PLCB1: variants seen among roughly 807,000 people sequenced by gnomAD.
The protein encoded by PLCB1 is phospholipase C beta 1, also known as 1-phosphatidylinositol 4,5-bisphosphate phosphodiesterase beta-1.
A neutral mutation model predicts 161.8 loss-of-function variants in PLCB1; 46 were observed. The observed-to-expected ratio is 0.28, with a 90% confidence interval of 0.22 to 0.36. The LOEUF is 0.36. Among genes scored for constraint, PLCB1 ranks in the 10% least tolerant of loss-of-function variants. The pLI is 1.00. For missense variants in PLCB1, 1,016 were observed against 1,472.5 expected (o/e 0.69, Z 5.07); for synonymous variants, 517 against 503.7 (o/e 1.03, Z -0.35).
intron 9 of PLCB1, 118 bp downstream of exon 9, chr20:8,658,822 C>A: frequency 2.4e-6 from 2 of 827,226 alleles, no homozygotes; most frequent in Non-Finnish European, 3.7e-6. Flanking sequence ...ACAAGGCATT[C>A]CTTTCGGTCT....
intron 14 of PLCB1, among the ~76,000 whole-genome samples, chr20:8,720,931 G>T (rs966577333): frequency 2.0e-5 from 3 of 151,140 alleles, no homozygotes; most frequent in Non-Finnish European, 4.4e-5. Flanking sequence ...TACCCTAAAA[G>T]AATGTGTCTC....
chr20:8,490,937 T>A (rs543621489), intron 3 of PLCB1, among the ~76,000 whole-genome samples: 35 of 151,530 alleles, frequency 2.3e-4, no homozygotes, highest in Non-Finnish European at 4.6e-4. Context: ...TATATGTGTG[T>A]GTGTTTTTCT....
chr20:8,871,146 A>G (rs1392363116), intron 31 of PLCB1, among the ~76,000 whole-genome samples: 7 of 152,228 alleles, frequency 4.6e-5, no homozygotes, highest in Non-Finnish European at 1.0e-4. Context: ...TGAGAATTGT[A>G]ATCCCTCTAT....
At chr20:8,713,858 C>A (rs1426522753) in intron 12 of PLCB1, among the ~76,000 whole-genome samples, 1 of 152,090 alleles carries the variant, frequency 6.6e-6, no homozygotes, top group African/African-American at 2.4e-5. Context: ...AATCATGGCT[C>A]CAGTAAAATC....
At chr20:8,734,135 C>CAAAAAAAAAAAAAAA (rs10624037) in intron 19 of PLCB1, among the ~76,000 whole-genome samples, 12 of 57,926 alleles carry the variant, frequency 2.1e-4, no homozygotes, top group Admixed American at 1.3e-3. Context: ...GACTCTGTCT[C>CAAAAAAAAAAAAAAA]AAAAAAAAAA....
intron 3 of PLCB1, among the ~76,000 whole-genome samples, chr20:8,493,732 GGTA>G (rs1983041470): frequency 9.6e-6 from 1 of 104,188 alleles, no homozygotes; most frequent in Non-Finnish European, 2.1e-5. Context: ...CTGAACCTCA[GGTA>G]GTAGCCCTTA....
At position 8,320,820 on chromosome 20, in the gene PLCB1, AGGG is replaced by A. The variant is rs1333941301; in HGVS notation, c.178-50561_178-50559del. On this transcript the variant is annotated intron_variant, in intron 2 of 31. Transcript: ENST00000338037. ...AAAGAAGAAAGAAAGAAAGAAAGGG[AGGG>A]AGGGAGAGAGGGAGGGAGGGAGGGA... 2.1e-4 allele frequency among the ~76,000 whole-genome samples: 27 copies of A among 127,450 alleles called. 1 individual carries two copies. The highest frequency in any genetic ancestry group is 3.2e-5 in the Non-Finnish European group (2 of 61,632). 83.6% of individuals were successfully genotyped at this position (127,450 alleles called of 152,430 possible).
intron 2 of PLCB1, among the ~76,000 whole-genome samples, chr20:8,253,975 T>C (rs1289052565): frequency 6.6e-6 from 1 of 152,030 alleles, no homozygotes; most frequent in Non-Finnish European, 1.5e-5. Context: ...GGCTGTGTAG[T>C]ATCCCACGGT....
In PLCB1 at chr20:8,606,531, C is replaced by T. The variant is rs112630177; in HGVS notation, c.247-21763C>T. Among the ~76,000 whole-genome samples, 80 of 152,172 alleles carry T rather than the reference C, an allele frequency of 5.3e-4. 1 individual carries two copies. The highest frequency in any genetic ancestry group is 1.6e-3 in the African/African-American group (68 of 41,522). On this transcript the variant is annotated intron_variant, in intron 3 of 31. Transcript: ENST00000338037. ...GTATGATTACAATTATTATTAGTGC[C>T]CTAATGCTACCACTAGTATGATTAC...
chr20:8,642,378 A>G (rs1246115645), intron 4 of PLCB1, among the ~76,000 whole-genome samples: 1 of 152,202 alleles, frequency 6.6e-6, no homozygotes, highest in African/African-American at 2.4e-5. Flanking sequence ...AAGATTCTTC[A>G]CTGCGTCATT....
At chr20:8,733,032 C>T (rs1980356183) in intron 18 of PLCB1, among the ~76,000 whole-genome samples, 1 of 151,936 alleles carries the variant, frequency 6.6e-6, no homozygotes, top group African/African-American at 2.4e-5. Flanking sequence ...GCAGACTGCA[C>T]ACCCACCAGT....
chr20:8,859,167 C>A (rs960196728), intron 31 of PLCB1, among the ~76,000 whole-genome samples: 6 of 152,100 alleles, frequency 3.9e-5, no homozygotes, highest in African/African-American at 1.4e-4. Flanking sequence ...ACTTCTAAGG[C>A]CAGCACTTAG....
At chr20:8,744,136 C>T (rs1324365174) in intron 23 of PLCB1, among the ~76,000 whole-genome samples, 1 of 151,750 alleles carries the variant, frequency 6.6e-6, no homozygotes, top group Non-Finnish European at 1.5e-5. Flanking sequence ...ATATGACAAA[C>T]CCTCATGTGT....
chr20:8,525,300 C>T (rs1168293237), intron 3 of PLCB1, among the ~76,000 whole-genome samples: 1 of 151,380 alleles, frequency 6.6e-6, no homozygotes, highest in Non-Finnish European at 1.5e-5. Flanking sequence ...TGGAAAAAAC[C>T]TGACCTTGGG....
At chr20:8,136,268 A>C (rs548688411) in intron 1 of PLCB1, among the ~76,000 whole-genome samples, 36 of 152,330 alleles carry the variant, frequency 2.4e-4, no homozygotes, top group African/African-American at 7.2e-4. Flanking sequence ...TAAATAAATG[A>C]ATGCATATGC....
Position 8,345,307 on chromosome 20 carries a change from T to C in PLCB1, c.178-26075T>C, listed in dbSNP as rs575989830. On this transcript the variant is annotated intron_variant, in intron 2 of 31. Coordinates refer to ENST00000338037, the MANE Select transcript of PLCB1 (RefSeq NM_015192.4). ...TTCACCCATTGGTACCCTTGATTGA[T>C]AGTGTTTAAGTCAGGGGACAAGCCG... is the stretch of plus-strand genomic sequence containing the variant. Among the ~76,000 whole-genome samples, 69 of 152,288 alleles carry C rather than the reference T, an allele frequency of 4.5e-4. 1 individual carries two copies. Among genetic ancestry groups the C allele is most frequent in the African/African-American group, 1.5e-3 (63 of 41,554 alleles).
chr20:8,459,643 T>C (rs1266206140), intron 3 of PLCB1, among the ~76,000 whole-genome samples: 1 of 152,238 alleles, frequency 6.6e-6, no homozygotes, highest in Non-Finnish European at 1.5e-5. Context: ...ATGAAAAACT[T>C]GATCATGTAT....
In PLCB1 at chr20:8,636,708, T is replaced by C. The variant is rs1473350388; in HGVS notation, c.384+8277T>C. On this transcript the variant is annotated intron_variant, in intron 4 of 31. Coordinates refer to ENST00000338037, the MANE Select transcript of PLCB1 (RefSeq NM_015192.4). Reference sequence around the variant, plus strand: ...TTCTGCATTTGCTAGACAAGAACTTTTTTGGAGCCAGAGAGTGCTCAATGG... The same window carrying C: ...TTCTGCATTTGCTAGACAAGAACTTCTTTGGAGCCAGAGAGTGCTCAATGG... Among the ~76,000 whole-genome samples the C allele has an allele frequency of 3.3e-5, 5 of 152,290 alleles. No homozygotes were observed. The South Asian group carries it at 8.3e-4, about 25-fold the overall frequency.
At chr20:8,713,043 C>T (rs1274993024) in intron 12 of PLCB1, among the ~76,000 whole-genome samples, 1 of 152,190 alleles carries the variant, frequency 6.6e-6, no homozygotes, top group Non-Finnish European at 1.5e-5. Flanking sequence ...TTGCTCTCTG[C>T]TCTGATTTAG....
Sources: gnomAD v4.1 joint callset for allele counts (sites outside exome capture counted in the v4.1 genomes callset) on GRCh38, gnomAD v4.1.1 for gene constraint, MANE v1.5 for transcripts, NCBI Gene and HGNC (gene_info 2026-07-23, HGNC 2026-07-21) for gene names.